The following IQCK variants were observed in gnomAD, a reference collection of about 807,000 sequenced individuals.
IQCK encodes IQ motif containing K, also known as IQ domain-containing protein K.
In IQCK, 29 loss-of-function variants were observed where a neutral mutation model predicts 28.1. The ratio of observed to expected loss-of-function variants is 1.03; its 90% confidence interval spans 0.77 to 1.41. IQCK has a LOEUF of 1.41. Ranked by LOEUF, IQCK falls within the 40% of genes most tolerant of loss-of-function variation. The pLI, the probability that IQCK is intolerant of heterozygous loss-of-function variation, is 0.00. For synonymous variants in IQCK, 113 were observed against 115.1 expected (o/e 0.98, Z 0.12); for missense variants, 359 against 314.7 (o/e 1.14, Z -1.07).
intron 6 of IQCK, among the ~76,000 whole-genome samples, chr16:19,782,636 AAG>A (rs1390992139): frequency 6.6e-6 from 1 of 151,954 alleles, no homozygotes; most frequent in Non-Finnish European, 1.5e-5. Context: ...AAAAAAAGAA[AAG>A]AGAAAGAGAG....
At chr16:19,827,814 C>A (rs2056168840), downstream of IQCK, among the ~76,000 whole-genome samples, 1 of 151,950 alleles carries the variant, frequency 6.6e-6, no homozygotes, top group Non-Finnish European at 1.5e-5. Flanking sequence ...CAAACCCAGA[C>A]TAGAATCTAC....
intron 3 of IQCK, among the ~76,000 whole-genome samples, chr16:19,734,588 C>A (rs1977949096): frequency 6.6e-6 from 1 of 151,552 alleles, no homozygotes; most frequent in South Asian, 2.1e-4. Flanking sequence ...GAGATCGCAC[C>A]ACTGCGTTCC....
At chr16:19,834,420 C>T (rs2056269696) in intron 9 of IQCK, among the ~76,000 whole-genome samples, 1 of 152,194 alleles carries the variant, frequency 6.6e-6, no homozygotes. Context: ...GAGGCTAGAG[C>T]CATCCCAGGC....
chr16:19,806,724 A>T (rs2055839810), intron 7 of IQCK, among the ~76,000 whole-genome samples: 1 of 130,274 alleles, frequency 7.7e-6, no homozygotes, highest in South Asian at 2.7e-4. Context: ...CCAAAAAAAG[A>T]AAAAATAAAG....
chr16:19,811,806 G>T (rs1479546910), intron 7 of IQCK, among the ~76,000 whole-genome samples: 1 of 152,106 alleles, frequency 6.6e-6, no homozygotes, highest in African/African-American at 2.4e-5. Flanking sequence ...TTAGAACAGT[G>T]TTCCCCAAAC....
chr16:19,728,697 CAG>C (rs1424195241), intron 1 of IQCK, among the ~76,000 whole-genome samples: 1 of 152,168 alleles, frequency 6.6e-6, no homozygotes, highest in Admixed American at 6.5e-5. Context: ...ACTCCTGACT[CAG>C]GGGAATTATG....
chr16:19,856,685 A>G, exon 10 of IQCK: 1 of 673,716 alleles, frequency 1.5e-6, no homozygotes, highest in East Asian at 2.8e-5. Context: ...TCTGTACAAG[A>G]TAGGATTCAT....
chr16:19,768,654 G>C (rs894161849), intron 6 of IQCK, among the ~76,000 whole-genome samples: 3 of 152,158 alleles, frequency 2.0e-5, no homozygotes, highest in Non-Finnish European at 2.9e-5. Context: ...GCTGAGGCAG[G>C]AGATTTGCTT....
At chr16:19,778,889 T>C (rs563280986) in intron 6 of IQCK, among the ~76,000 whole-genome samples, 3 of 152,266 alleles carry the variant, frequency 2.0e-5, no homozygotes, top group African/African-American at 4.8e-5. Context: ...ACTTTGCATA[T>C]GTGATTAAGT....
rs116206487 is a variant in IQCK, at chr16:19,745,863, G to A, written c.474+10413G>A. 2.0e-3 allele frequency among the ~76,000 whole-genome samples: 301 copies of A among 152,212 alleles called. 3 individuals carry two copies. Among genetic ancestry groups the A allele is most frequent in the African/African-American group, 7.1e-3 (293 of 41,520 alleles). ...GCTGCCTGCTAGCTGGGGCACTTCG[G>A]TTCTCCTTCATGTGGCCTCTCATCC... is the stretch of plus-strand genomic sequence containing the variant. On this transcript the variant is annotated intron_variant, in intron 4 of 7. Coordinates refer to ENST00000564186, the Ensembl canonical transcript of IQCK.
intron 4 of IQCK, among the ~76,000 whole-genome samples, chr16:19,754,202 A>G (rs1328667385): frequency 6.6e-6 from 1 of 152,144 alleles, no homozygotes; most frequent in Admixed American, 6.5e-5. Flanking sequence ...TTTAATAACC[A>G]CACTGGGGCC....
intron 6 of IQCK, among the ~76,000 whole-genome samples, chr16:19,775,824 G>A (rs1368298715): frequency 2.9e-5 from 4 of 137,496 alleles, no homozygotes; most frequent in African/African-American, 8.4e-5. Flanking sequence ...AAAGGAACAC[G>A]TGGATATTGG....
At chr16:19,847,699 T>C (rs1348112210) in intron 9 of IQCK, among the ~76,000 whole-genome samples, 1 of 152,246 alleles carries the variant, frequency 6.6e-6, no homozygotes, top group African/African-American at 2.4e-5. Flanking sequence ...GTAGCATTCC[T>C]TTGTATGATT....
Position 19,856,552 on chromosome 16 carries a change from T to C in IQCK, c.*4T>C, listed in dbSNP as rs199559145. 1,721 of 1,612,860 alleles carry C rather than the reference T, an allele frequency of 1.1e-3. 3 individuals are homozygous for C. Among genetic ancestry groups the C allele is most frequent in the Non-Finnish European group, 9.8e-4 (1,161 of 1,178,858 alleles). On this transcript the variant is annotated 3_prime_UTR_variant, in exon 10 of 10. Coordinates refer to the IQCK transcript ENST00000320394. ...GATGAAAATTCCATCATCTTAACCA[T>C]AGCTAAGACGTATCTTTGCCCATTC...
chr16:19,824,579 T>C (rs1437708337), intron 7 of IQCK, among the ~76,000 whole-genome samples: 1 of 152,218 alleles, frequency 6.6e-6, no homozygotes, highest in Non-Finnish European at 1.5e-5. Context: ...AGGGACTTCT[T>C]TGGAAAATGT....
At chr16:19,724,686 A>G (rs1977600607) in intron 1 of IQCK, among the ~76,000 whole-genome samples, 1 of 151,654 alleles carries the variant, frequency 6.6e-6, no homozygotes, top group South Asian at 2.1e-4. Context: ...CCGCCACCAC[A>G]CCCGGCTAAT....
At chr16:19,745,255 AT>A (rs1209507866) in intron 4 of IQCK, among the ~76,000 whole-genome samples, 1 of 152,000 alleles carries the variant, frequency 6.6e-6, no homozygotes, top group African/African-American at 2.4e-5. Context: ...CCTCACCTAC[AT>A]CTTTTTACCA....
chr16:19,820,498 A>G (rs1254954295), intron 7 of IQCK, among the ~76,000 whole-genome samples: 2 of 152,056 alleles, frequency 1.3e-5, no homozygotes, highest in Admixed American at 6.6e-5. Context: ...AAATACAAAA[A>G]ATTAGCTGGG....
intron 6 of IQCK, among the ~76,000 whole-genome samples, chr16:19,768,946 C>T (rs2055280617): frequency 6.6e-6 from 1 of 152,062 alleles, no homozygotes; most frequent in Non-Finnish European, 1.5e-5. Context: ...TTCAGAGTCT[C>T]CCATGAGGTT....
Sources: allele counts gnomAD v4.1 joint callset (sites outside exome capture counted in the v4.1 genomes callset), GRCh38; gene constraint gnomAD v4.1.1; transcripts MANE v1.5; gene names NCBI Gene and HGNC (gene_info 2026-07-23, HGNC 2026-07-21).